The following EFR3A variants were observed in gnomAD, a reference collection of about 807,000 sequenced individuals.
The protein encoded by EFR3A is EFR3 homolog A, also known as protein EFR3 homolog A.
Under a neutral mutation model 104.4 loss-of-function variants are expected in EFR3A, and 76 were observed. The observed-to-expected ratio is 0.73, with a 90% CI of 0.60 to 0.88. The LOEUF is 0.88. Ranked by LOEUF, EFR3A falls within the 40% of genes least tolerant of loss-of-function variation. The pLI, the probability that EFR3A is intolerant of heterozygous loss-of-function variation, is 0.00. For synonymous variants in EFR3A, 330 were observed against 330.0 expected, an observed-to-expected ratio of 1.00 and a Z score of 0.00; for missense variants, 985 against 1,012.5, an observed-to-expected ratio of 0.97 and a Z score of 0.37.
intron 7 of EFR3A, among the ~76,000 whole-genome samples, chr8:131,956,262 T>C (rs1172971772): frequency 6.6e-6 from 1 of 152,214 alleles, no homozygotes; most frequent in Non-Finnish European, 1.5e-5. Context: ...CAGTTTTTCC[T>C]GGTCCCTGGC....
At chr8:131,945,311 A>G (rs1818384530) in intron 3 of EFR3A, among the ~76,000 whole-genome samples, 1 of 152,004 alleles carries the variant, frequency 6.6e-6, no homozygotes, top group Admixed American at 6.6e-5. Context: ...TGTTAGGCTT[A>G]GATATCAAGG....
Position 131,979,431 on chromosome 8 carries a change from C to G in EFR3A, c.1575+10C>G, listed in dbSNP as rs1343936016. 6.6e-7 allele frequency: 1 copy of G among 1,524,070 alleles called. No individual in the cohort carries two copies. Among genetic ancestry groups the G allele is most frequent in the Non-Finnish European group, 8.9e-7 (1 of 1,121,056 alleles). 94.4% of individuals were successfully genotyped at this position (1,524,070 alleles called of 1,614,324 possible). The stretch of plus-strand genomic sequence containing the variant: ...AAGTTTCATGAAAAAGGTAAGACAT[C>G]TTCTAAAAAAATAAATGTGTAGTGT... On this transcript the variant is annotated intron_variant, in intron 14 of 22. Coordinates refer to ENST00000254624, the MANE Select transcript of EFR3A (RefSeq NM_015137.6).
At chr8:131,984,450 A>G (rs1239255936) in intron 15 of EFR3A, 150 bp downstream of exon 15, 1 of 750,914 alleles carries the variant, frequency 1.3e-6, no homozygotes, top group African/African-American at 1.8e-5. Flanking sequence ...TACATTCTTC[A>G]TTTATTCCTT....
chr8:131,934,060 A>G (rs1241299967), intron 1 of EFR3A, among the ~76,000 whole-genome samples: 5 of 152,198 alleles, frequency 3.3e-5, no homozygotes, highest in South Asian at 2.1e-4. Flanking sequence ...GGAAAGAATC[A>G]TGTAATAAAA....
rs552558236 is a variant in EFR3A at position 131,917,717 on chromosome 8, AAT to A, written c.10+13401_10+13402del. Among the ~76,000 whole-genome samples, 278 of 152,322 alleles carry A rather than the reference AAT, an allele frequency of 1.8e-3. 2 individuals carry two copies. Among genetic ancestry groups the A allele is most frequent in the African/African-American group, 6.5e-3 (270 of 41,572 alleles). On this transcript the variant is annotated intron_variant, in intron 1 of 22. Transcript: ENST00000254624. ...TTGCAGTAATAAAATGAATTATACA[AAT>A]ATATACAGAATTCCAGGTTCTTTGT...
chr8:131,975,925 A>C (rs1820302788), intron 10 of EFR3A, 102 bp from the exon 11 acceptor site: 2 of 665,348 alleles, frequency 3.0e-6, no homozygotes, highest in Non-Finnish European at 5.3e-6. Context: ...CTTGTGAGGG[A>C]TTGTTTTACC....
At chr8:132,000,598 T>C (rs1400479366) in intron 19 of EFR3A, among the ~76,000 whole-genome samples, 1 of 152,138 alleles carries the variant, frequency 6.6e-6, no homozygotes, top group African/African-American at 2.4e-5. Context: ...CCTTCTAACT[T>C]CTCCCATGTT....
At chr8:132,004,748 G>A (rs1401467975) in intron 22 of EFR3A, among the ~76,000 whole-genome samples, 4 of 152,158 alleles carry the variant, frequency 2.6e-5, no homozygotes, top group African/African-American at 7.2e-5. Flanking sequence ...AAGGTAGGTA[G>A]ACACTATTTT....
At chr8:131,914,742 A>G (rs76695849) in intron 1 of EFR3A, among the ~76,000 whole-genome samples, 16,673 of 151,914 alleles carry the variant, frequency 0.11, 1,056 homozygotes, top group South Asian at 0.22. Flanking sequence ...TATTGTTGTA[A>G]TATTATTGCA....
At chr8:131,997,693 A>C (rs1821565702) in intron 19 of EFR3A, among the ~76,000 whole-genome samples, 1 of 152,036 alleles carries the variant, frequency 6.6e-6, no homozygotes, top group Admixed American at 6.5e-5. Context: ...CTGTCTTTTA[A>C]TGATTATGAA....
intron 9 of EFR3A, among the ~76,000 whole-genome samples, chr8:131,970,076 T>G (rs2130700764): frequency 6.6e-6 from 1 of 152,340 alleles, no homozygotes; most frequent in Non-Finnish European, 1.5e-5. Context: ...AAATAAATAT[T>G]TGATGCTTCT....
In EFR3A at chr8:131,922,298, G is replaced by A. The variant is rs139995046; in HGVS notation, c.10+17976G>A. ...ATTTCGAAATAAAGTCACAATGGCA[G>A]GTATAGGTTGAATATTCCTAACCCG... On this transcript the variant is annotated intron_variant, in intron 1 of 22. Coordinates refer to ENST00000254624, the MANE Select transcript of EFR3A (RefSeq NM_015137.6). Among the ~76,000 whole-genome samples, 520 of 152,118 alleles carry A rather than the reference G, an allele frequency of 3.4e-3. 3 individuals are homozygous for A. The highest frequency in any genetic ancestry group is 6.2e-3 in the Non-Finnish European group (420 of 67,972).
At chr8:131,993,278 C>T (rs1821295535) in intron 18 of EFR3A, among the ~76,000 whole-genome samples, 1 of 152,156 alleles carries the variant, frequency 6.6e-6, no homozygotes, top group Admixed American at 6.5e-5. Flanking sequence ...ACTCGCTGTA[C>T]ATAACTATAC....
chr8:131,977,486 G>T (rs1563683533), intron 12 of EFR3A, among the ~76,000 whole-genome samples: 1 of 152,040 alleles, frequency 6.6e-6, no homozygotes, highest in Admixed American at 6.6e-5. Context: ...CCAAATAATT[G>T]CTTCTGATTG....
chr8:131,990,018 C>G (rs995684655), intron 18 of EFR3A, among the ~76,000 whole-genome samples: 10 of 152,178 alleles, frequency 6.6e-5, no homozygotes, highest in African/African-American at 2.4e-4. Flanking sequence ...CTGAATCGTT[C>G]AGAGGTACCA....
At chr8:131,981,034 TATATATATATAC>T (rs200108810) in intron 14 of EFR3A, among the ~76,000 whole-genome samples, 5 of 125,664 alleles carry the variant, frequency 4.0e-5, no homozygotes, top group Admixed American at 8.4e-5. Context: ...TATATATATA[TATATATATATAC>T]ACACACTACA....
Position 131,978,957 on chromosome 8 carries a change from C to T in EFR3A, c.1437C>T (p.Val479=). ...LMEDYELRQL[V]LEVMHNLMDR... ...AGGACTACGAACTGAGACAGTTGGT[C>T]TTGGAAGTAATGCATAATCTCATGG... Residue 479 remains valine (V), a synonymous_variant, in exon 13 of 23, where the codon GTC becomes GTT. Coordinates refer to ENST00000254624, the MANE Select transcript of EFR3A (RefSeq NM_015137.6). 1 of 1,613,110 alleles carries T rather than the reference C, an allele frequency of 6.2e-7. No individual in the cohort carries two copies. The highest frequency in any genetic ancestry group is 1.7e-5 in the Admixed American group (1 of 59,970).
chr8:132,009,528 G>C (rs1822218596), intron 22 of EFR3A, among the ~76,000 whole-genome samples: 1 of 152,036 alleles, frequency 6.6e-6, no homozygotes, highest in African/African-American at 2.4e-5. Context: ...ACCTGCATAT[G>C]GGTAAGTGGA....
At chr8:131,950,581 C>T (rs867877762) in intron 5 of EFR3A, among the ~76,000 whole-genome samples, 37 of 152,118 alleles carry the variant, frequency 2.4e-4, no homozygotes, top group Non-Finnish European at 4.7e-4. Context: ...CTCATTCTAC[C>T]CCTAGCTATC....
Sources: gnomAD v4.1 joint callset for allele counts (sites outside exome capture counted in the v4.1 genomes callset) on GRCh38, gnomAD v4.1.1 for gene constraint, MANE v1.5 for transcripts, NCBI Gene and HGNC (gene_info 2026-07-23, HGNC 2026-07-21) for gene names.